NCKAP5: variants seen among roughly 807,000 people sequenced by gnomAD.
NCKAP5 encodes nck-associated protein 5.
A neutral mutation model predicts 167.0 loss-of-function variants in NCKAP5; 92 were observed. That is an observed-to-expected ratio of 0.55 (90% CI 0.47 to 0.66). The LOEUF is 0.66. Ranked by LOEUF, NCKAP5 falls within the 30% of genes least tolerant of loss-of-function variation. NCKAP5 has a pLI of 0.00. For synonymous variants in NCKAP5, 891 were observed against 877.4 expected (o/e 1.02, Z -0.27); for missense variants, 2,378 against 2,315.0 (o/e 1.03, Z -0.56).
intron 3 of NCKAP5, among the ~76,000 whole-genome samples, chr2:133,485,301 C>G (rs1025945572): frequency 4.6e-5 from 7 of 152,140 alleles, no homozygotes; most frequent in Non-Finnish European, 1.0e-4. Flanking sequence ...CGACAGCACG[C>G]CTGGCCCTCT....
intron 5 of NCKAP5, among the ~76,000 whole-genome samples, chr2:133,175,534 T>A (rs1028032417): frequency 6.6e-6 from 1 of 152,212 alleles, no homozygotes; most frequent in Admixed American, 6.5e-5. Context: ...GTAACAGATT[T>A]TTTTTTGGTG....
the NCKAP5 span, among the ~76,000 whole-genome samples, chr2:133,658,863 C>A: frequency 6.6e-6 from 1 of 151,896 alleles, no homozygotes; most frequent in African/African-American, 2.4e-5. Context: ...GCCTTGCAAC[C>A]CGAAATACTG....
At chr2:133,040,643 G>T (rs935452868) in intron 6 of NCKAP5, among the ~76,000 whole-genome samples, 3 of 152,038 alleles carry the variant, frequency 2.0e-5, no homozygotes, top group Non-Finnish European at 2.9e-5. Context: ...ATAAAAAACT[G>T]TTTTCAAAAA....
intron 5 of NCKAP5, among the ~76,000 whole-genome samples, chr2:133,150,594 T>C (rs948099379): frequency 6.6e-6 from 1 of 152,158 alleles, no homozygotes; most frequent in Non-Finnish European, 1.5e-5. Context: ...TAGAGCATCA[T>C]TATTTAGGGG....
chr2:132,713,818 C>T (rs1433625584), intron 19 of NCKAP5, among the ~76,000 whole-genome samples: 2 of 152,078 alleles, frequency 1.3e-5, no homozygotes, highest in Non-Finnish European at 2.9e-5. Flanking sequence ...AGCAAGCTGA[C>T]TGGGGAAAGC....
intron 3 of NCKAP5, among the ~76,000 whole-genome samples, chr2:133,352,179 C>T (rs1413073808): frequency 6.6e-6 from 1 of 152,172 alleles, no homozygotes; most frequent in Non-Finnish European, 1.5e-5. Context: ...AACCTTCACA[C>T]TCTGTATCCC....
intron 6 of NCKAP5, among the ~76,000 whole-genome samples, chr2:133,086,810 A>C (rs959371): frequency 6.6e-6 from 1 of 152,280 alleles, no homozygotes; most frequent in African/African-American, 2.4e-5. Flanking sequence ...GAAAGAGAAA[A>C]CCGGATTTGT....
chr2:133,185,151 A>T (rs2084892418), intron 5 of NCKAP5, among the ~76,000 whole-genome samples: 1 of 152,144 alleles, frequency 6.6e-6, no homozygotes, highest in African/African-American at 2.4e-5. Context: ...GATGAGAGCT[A>T]GGGGTCCAAT....
In NCKAP5 at chr2:132,933,675, A is replaced by G. The variant is rs376617652; in HGVS notation, c.579+30045T>C. Among the ~76,000 whole-genome samples the G allele has an allele frequency of 3.2e-4, 49 of 152,328 alleles. No individual in the cohort carries two copies. The South Asian group carries it at 9.5e-3, about 30-fold the overall frequency. On this transcript the variant is annotated intron_variant, in intron 8 of 19. Coordinates refer to ENST00000409261, the MANE Select transcript of NCKAP5 (RefSeq NM_207363.3). ...CTTCAACCCAAAAGAAATAGCTTTGATCTGATCAAAATGTATGAGTTTCTT... is the reference window on the plus strand; with the variant it reads ...CTTCAACCCAAAAGAAATAGCTTTGGTCTGATCAAAATGTATGAGTTTCTT...
rs1683532414 is a variant in NCKAP5 at position 133,340,894 on chromosome 2, C to T, written c.70-37784G>A. ...TTCTTCCTCATCTCAGCAGCCAGCT[C>T]ACATCCTCAGAAGTTATATTGTTTC... On this transcript the variant is annotated intron_variant, in intron 3 of 19. Coordinates refer to ENST00000409261, the MANE Select transcript of NCKAP5 (RefSeq NM_207363.3). 2.0e-5 allele frequency among the ~76,000 whole-genome samples: 3 copies of T among 152,190 alleles called. No individual in the cohort carries two copies. In the South Asian group the frequency reaches 6.2e-4, roughly 31 times the overall value.
intron 3 of NCKAP5, among the ~76,000 whole-genome samples, chr2:133,468,269 C>G (rs1692755420): frequency 7.1e-6 from 1 of 141,264 alleles, no homozygotes; most frequent in Non-Finnish European, 1.5e-5. Flanking sequence ...TCGTTATGTA[C>G]CCAGTAGTCA....
At chr2:133,333,677 G>T (rs1294465753) in intron 3 of NCKAP5, among the ~76,000 whole-genome samples, 1 of 152,108 alleles carries the variant, frequency 6.6e-6, no homozygotes, top group Non-Finnish European at 1.5e-5. Flanking sequence ...TAAGTCCTTA[G>T]AGCCAATCAG....
chr2:133,436,146 T>C (rs997901712), intron 3 of NCKAP5, among the ~76,000 whole-genome samples: 1 of 152,188 alleles, frequency 6.6e-6, no homozygotes, highest in Non-Finnish European at 1.5e-5. Context: ...ACTACAAGTA[T>C]CTTCTCCAAA....
At chr2:133,672,229 A>G in the NCKAP5 span, among the ~76,000 whole-genome samples, 3 of 151,660 alleles carry the variant, frequency 2.0e-5, no homozygotes, top group African/African-American at 7.3e-5. Flanking sequence ...AAGATGGGGA[A>G]GGGTTTGTTG....
At chr2:133,604,163 T>A in the NCKAP5 span, among the ~76,000 whole-genome samples, 1 of 152,316 alleles carries the variant, frequency 6.6e-6, no homozygotes, top group South Asian at 2.1e-4. Context: ...ATGGCAGGAA[T>A]GACCAGGCTT....
chr2:132,941,971 G>A (rs899940161), intron 8 of NCKAP5, among the ~76,000 whole-genome samples: 1 of 152,100 alleles, frequency 6.6e-6, no homozygotes, highest in Non-Finnish European at 1.5e-5. Flanking sequence ...AAATAAAGGG[G>A]CAAATATGAA....
chr2:133,404,787 C>T (rs10193087), intron 3 of NCKAP5, among the ~76,000 whole-genome samples: 34,602 of 152,094 alleles, frequency 0.23, 4,186 homozygotes, highest in African/African-American at 0.32. Context: ...TCTTTTCTTT[C>T]ACTAAGTGAT....
In NCKAP5 at chr2:132,744,908, T is replaced by C. The variant is rs185135808; in HGVS notation, c.5129-12857A>G. 4.3e-3 allele frequency among the ~76,000 whole-genome samples: 660 copies of C among 151,776 alleles called. 1 individual carries two copies. The highest frequency in any genetic ancestry group is 7.2e-3 in the Non-Finnish European group (490 of 67,650). ...GAGAAATCCAACTACCAGAACTCAC[T>C]CAAGAAAAAAGATAAACCAAATAGT... On this transcript the variant is annotated intron_variant, in intron 16 of 19. Transcript: ENST00000409261.
chr2:133,252,369 G>C (rs951047246), intron 4 of NCKAP5, among the ~76,000 whole-genome samples: 1 of 152,186 alleles, frequency 6.6e-6, no homozygotes, highest in Non-Finnish European at 1.5e-5. Flanking sequence ...TTGCAGAAAA[G>C]AGATGACTTG....
Sources: gnomAD v4.1 joint callset for allele counts (sites outside exome capture counted in the v4.1 genomes callset) on GRCh38, gnomAD v4.1.1 for gene constraint, MANE v1.5 for transcripts, NCBI Gene and HGNC (gene_info 2026-07-23, HGNC 2026-07-21) for gene names.